PPP3CA: variants seen among roughly 807,000 people sequenced by gnomAD.
The protein encoded by PPP3CA is CAM-PRP catalytic subunit.
Under a neutral mutation model 66.5 loss-of-function variants are expected in PPP3CA, and 14 were observed. The ratio of observed to expected loss-of-function variants is 0.21; its 90% CI spans 0.14 to 0.33. The LOEUF (loss-of-function observed/expected upper bound fraction) is 0.33, where lower values mean the gene tolerates loss of function less well. Among genes scored for constraint, PPP3CA ranks in the 10% least tolerant of loss-of-function variants. The pLI is 1.00. For missense variants in PPP3CA, 317 were observed against 639.5 expected (o/e 0.50, Z 5.44); for synonymous variants, 232 against 226.2 (o/e 1.03, Z -0.23).
At chr4:101,069,578 ATGTGCATG>A (rs564626163) in intron 8 of PPP3CA, among the ~76,000 whole-genome samples, 50 of 152,300 alleles carry the variant, frequency 3.3e-4, no homozygotes, top group African/African-American at 1.2e-3. Flanking sequence ...TCTTATGACT[ATGTGCATG>A]TGTGCATGTG....
At chr4:101,113,675 A>G (rs1721749579) in intron 2 of PPP3CA, among the ~76,000 whole-genome samples, 1 of 152,114 alleles carries the variant, frequency 6.6e-6, no homozygotes, top group Admixed American at 6.6e-5. Context: ...AAATTTCAGG[A>G]AGAAAGTGGT....
At chr4:101,104,996 A>T (rs1459464180) in intron 3 of PPP3CA, among the ~76,000 whole-genome samples, 1 of 152,166 alleles carries the variant, frequency 6.6e-6, no homozygotes, top group African/African-American at 2.4e-5. Context: ...CCTACACTTC[A>T]TATGTCACCA....
At chr4:101,293,539 C>T (rs1270853234) in intron 1 of PPP3CA, among the ~76,000 whole-genome samples, 1 of 152,200 alleles carries the variant, frequency 6.6e-6, no homozygotes, top group Non-Finnish European at 1.5e-5. Flanking sequence ...TGGCCCACAA[C>T]TTCCCTTACC....
At chr4:101,068,096 C>A (rs1232710671) in intron 8 of PPP3CA, among the ~76,000 whole-genome samples, 2 of 152,118 alleles carry the variant, frequency 1.3e-5, no homozygotes, top group Non-Finnish European at 2.9e-5. Flanking sequence ...CCTGTTCTCA[C>A]CCTTTTGCTA....
intron 8 of PPP3CA, among the ~76,000 whole-genome samples, chr4:101,078,844 C>G (rs1475834904): frequency 6.6e-6 from 1 of 152,128 alleles, no homozygotes; most frequent in Non-Finnish European, 1.5e-5. Context: ...ACTCCCACTC[C>G]CACATACTTA....
In PPP3CA at chr4:101,282,284, TAC is replaced by T. The variant is rs369951453; in HGVS notation, c.58+64453_58+64454del. Among the ~76,000 whole-genome samples, 292 of 152,290 alleles carry T rather than the reference TAC, an allele frequency of 1.9e-3. 2 individuals carry two copies. The highest frequency in any genetic ancestry group is 3.1e-3 in the Admixed American group (47 of 15,292). On this transcript the variant is annotated intron_variant, in intron 1 of 13. Coordinates refer to ENST00000394854, the MANE Select transcript of PPP3CA (RefSeq NM_000944.5). ...GAGCTAAGTGGCAACAGAAAAAAAC[TAC>T]AGTTTTTCTATCCTATCTGTGAAAA...
chr4:101,033,681 A>G (rs563143947), intron 11 of PPP3CA, among the ~76,000 whole-genome samples: 18 of 152,274 alleles, frequency 1.2e-4, no homozygotes, highest in Admixed American at 3.3e-4. Flanking sequence ...GATTCAATCA[A>G]TGGTCTTGAA....
chr4:101,325,061 A>AT (rs1729170019), intron 1 of PPP3CA, among the ~76,000 whole-genome samples: 1 of 152,190 alleles, frequency 6.6e-6, no homozygotes, highest in East Asian at 1.9e-4. Context: ...AGAGAATCTA[A>AT]TTTTTTTTAA....
In PPP3CA at chr4:101,259,316, TTTCCCAG is replaced by T. The variant is rs1726941026; in HGVS notation, c.59-63207_59-63201del. Among the ~76,000 whole-genome samples, 3 of 149,892 alleles carry T rather than the reference TTTCCCAG, an allele frequency of 2.0e-5. No homozygotes were observed. In the Admixed American group the frequency reaches 2.0e-4, roughly 10 times the overall value. ...TTCAATTTCATGGTTTTCTTCCTCC[TTTCCCAG>T]TTGACAGGAAGGCAATCATTCATTC... On this transcript the variant is annotated intron_variant, in intron 1 of 13. Coordinates refer to ENST00000394854, the MANE Select transcript of PPP3CA (RefSeq NM_000944.5).
At chr4:101,159,610 G>C (rs1453106534) in intron 2 of PPP3CA, among the ~76,000 whole-genome samples, 1 of 152,158 alleles carries the variant, frequency 6.6e-6, no homozygotes, top group Admixed American at 6.5e-5. Flanking sequence ...GGTTAATAAT[G>C]ATCTAAATGA....
chr4:101,063,176 CT>C, intron 9 of PPP3CA, 55 bp downstream of exon 9: 1 of 1,573,314 alleles, frequency 6.4e-7, no homozygotes, highest in Non-Finnish European at 8.7e-7. Context: ...GTTTAATCTC[CT>C]TTCCTTCCTT....
intron 1 of PPP3CA, among the ~76,000 whole-genome samples, chr4:101,204,280 T>G: frequency 6.6e-6 from 1 of 152,074 alleles, no homozygotes; most frequent in East Asian, 1.9e-4. Context: ...GTGCTGGGAT[T>G]ATTGGCATGA....
At chr4:101,281,204 G>A (rs891186515) in intron 1 of PPP3CA, among the ~76,000 whole-genome samples, 1 of 152,170 alleles carries the variant, frequency 6.6e-6, no homozygotes, top group Non-Finnish European at 1.5e-5. Flanking sequence ...CTTTGGAGAG[G>A]GTTCAAGGAA....
intron 2 of PPP3CA, among the ~76,000 whole-genome samples, chr4:101,161,102 G>T (rs756862642): frequency 6.6e-6 from 1 of 152,034 alleles, no homozygotes; most frequent in Non-Finnish European, 1.5e-5. Flanking sequence ...TTACCTTTGT[G>T]TTACAATTAC....
chr4:101,028,806 G>A (rs1726786450), intron 13 of PPP3CA, among the ~76,000 whole-genome samples: 1 of 152,134 alleles, frequency 6.6e-6, no homozygotes, highest in Non-Finnish European at 1.5e-5. Flanking sequence ...AGTGCTGCCT[G>A]AAAGTGATTT....
At chr4:101,260,397 C>G (rs1726974278) in intron 1 of PPP3CA, among the ~76,000 whole-genome samples, 1 of 152,132 alleles carries the variant, frequency 6.6e-6, no homozygotes, top group Non-Finnish European at 1.5e-5. Flanking sequence ...TATTGGAAGT[C>G]TAGCACAAAA....
chr4:101,061,216 T>C (rs929875372), intron 9 of PPP3CA, 55 bp from the exon 10 acceptor site: 1 of 1,448,234 alleles, frequency 6.9e-7, no homozygotes, highest in East Asian at 2.3e-5. Flanking sequence ...TAACCTTAAC[T>C]ATTACTCTGG....
chr4:101,073,429 A>G (rs1035197959), intron 8 of PPP3CA, among the ~76,000 whole-genome samples: 2 of 151,906 alleles, frequency 1.3e-5, no homozygotes, highest in African/African-American at 4.8e-5. Flanking sequence ...GGTGCGGGCC[A>G]CCACACCTGG....
At chr4:101,160,230 A>C (rs1298983881) in intron 2 of PPP3CA, among the ~76,000 whole-genome samples, 1 of 152,112 alleles carries the variant, frequency 6.6e-6, no homozygotes, top group Non-Finnish European at 1.5e-5. Context: ...TCGCTAACAA[A>C]ATTCTCAAGT....
Sources: gnomAD v4.1 joint callset for allele counts (sites outside exome capture counted in the v4.1 genomes callset) on GRCh38, gnomAD v4.1.1 for gene constraint, MANE v1.5 for transcripts, NCBI Gene and HGNC (gene_info 2026-07-23, HGNC 2026-07-21) for gene names.